Variants in DNAH12 observed in about 807,000 individuals in gnomAD.
DNAH12 encodes the protein dynein axonemal heavy chain 12.
Under a neutral mutation model 371.5 loss-of-function variants are expected in DNAH12, and 285 were observed. The ratio of observed to expected loss-of-function variants is 0.77; its 90% CI spans 0.70 to 0.85. The LOEUF (loss-of-function observed/expected upper bound fraction) is 0.85. Among genes scored for constraint, DNAH12 ranks in the 40% least tolerant of loss-of-function variants. DNAH12 has a pLI of 0.00. For missense variants in DNAH12, 3,611 were observed against 3,689.4 expected, an observed-to-expected ratio of 0.98 and a Z score of 0.55; for synonymous variants, 1,200 against 1,213.0, an observed-to-expected ratio of 0.99 and a Z score of 0.22.
At position 57,543,315 on chromosome 3, in the gene DNAH12, G is replaced by GTTTTTTTTT. The variant is rs5849214; in HGVS notation, c.-33-421_-33-413dup. Among the ~76,000 whole-genome samples the GTTTTTTTTT allele has an allele frequency of 5.5e-4, 39 of 70,282 alleles. 1 individual carries two copies. Among genetic ancestry groups the GTTTTTTTTT allele is most frequent in the African/African-American group, 1.1e-3 (17 of 15,928 alleles). 46.1% of individuals were successfully genotyped at this position (70,282 alleles called of 152,430 possible). On this transcript the variant is annotated intron_variant, in intron 1 of 73. Transcript: ENST00000495027. ...AAGCTGATATTTAACATCATTAATGGTTTTTTTTTTTTTTTTTTTTTTTTT... is the reference window on the plus strand; with the variant it reads ...AAGCTGATATTTAACATCATTAATGGTTTTTTTTTTTTTTTTTTTTTTTTTTTTTTTTTT...
At chr3:57,434,243 G>A (rs1228623682) in intron 30 of DNAH12, among the ~76,000 whole-genome samples, 3 of 152,004 alleles carry the variant, frequency 2.0e-5, no homozygotes, top group Non-Finnish European at 2.9e-5. Flanking sequence ...TGGCCCTCTT[G>A]TGGAAAGACT....
intron 13 of DNAH12, among the ~76,000 whole-genome samples, chr3:57,478,561 G>C (rs1575658971): frequency 6.6e-6 from 1 of 152,134 alleles, no homozygotes; most frequent in African/African-American, 2.4e-5. Flanking sequence ...TCAAATTCAG[G>C]AAATACACAG....
intron 69 of DNAH12, among the ~76,000 whole-genome samples, chr3:57,304,753 C>T (rs1382079387): frequency 2.0e-5 from 3 of 151,998 alleles, no homozygotes; most frequent in Admixed American, 6.6e-5. Context: ...CAGAACCCCC[C>T]GACCCCTTTT....
intron 60 of DNAH12, among the ~76,000 whole-genome samples, chr3:57,336,379 G>T (rs547497754): frequency 6.6e-6 from 1 of 151,808 alleles, no homozygotes; most frequent in African/African-American, 2.4e-5. Context: ...AGGAGTTAAA[G>T]CAAAGTATGA....
chr3:57,359,193 G>A (rs1487337257), intron 58 of DNAH12, among the ~76,000 whole-genome samples: 1 of 152,194 alleles, frequency 6.6e-6, no homozygotes, highest in East Asian at 1.9e-4. Context: ...CTAGGCTTAA[G>A]AAATATAAAT....
intron 65 of DNAH12, among the ~76,000 whole-genome samples, chr3:57,320,458 G>T (rs1435002255): frequency 2.6e-5 from 4 of 152,152 alleles, no homozygotes; most frequent in Non-Finnish European, 5.9e-5. Flanking sequence ...AAACGCCCAA[G>T]ATATCAACAA....
At chr3:57,417,753 C>T (rs926332223) in intron 37 of DNAH12, among the ~76,000 whole-genome samples, 24 of 152,108 alleles carry the variant, frequency 1.6e-4, no homozygotes, top group African/African-American at 5.6e-4. Context: ...TCATCAGATC[C>T]ACTGACAGAT....
intron 45 of DNAH12, among the ~76,000 whole-genome samples, chr3:57,390,290 A>G (rs2063587704): frequency 1.4e-5 from 2 of 140,400 alleles, no homozygotes; most frequent in Admixed American, 7.2e-5. Context: ...GCATACACCT[A>G]TAGTCCCAGC....
rs1377078780 is a variant in DNAH12, at chr3:57,401,114, C to T, written c.6948+2195G>A. On this transcript the variant is annotated intron_variant, in intron 43 of 73. Transcript: ENST00000495027. ...TTAAACTGTTAATTTAATTGTTAAA[C>T]AACCAGTAAGTCAAAGAAGAAATCA... Among the ~76,000 whole-genome samples the T allele has an allele frequency of 5.9e-5, 9 of 152,018 alleles. No homozygotes were observed. In the East Asian group the frequency reaches 1.7e-3, roughly 29 times the overall value.
intron 43 of DNAH12, chr3:57,402,398 A>G (rs782546893): frequency 5.3e-5 from 69 of 1,304,832 alleles, no homozygotes; most frequent in Non-Finnish European, 6.7e-5. Flanking sequence ...GCACTCCACT[A>G]TCCTGTTGGT....
At chr3:57,490,473 G>A (rs2067078524) in intron 11 of DNAH12, among the ~76,000 whole-genome samples, 1 of 152,166 alleles carries the variant, frequency 6.6e-6, no homozygotes, top group South Asian at 2.1e-4. Flanking sequence ...AAGAAAATCT[G>A]ACAGGATATG....
chr3:57,384,268 C>G lies in DNAH12; in HGVS notation c.7860+561G>C, dbSNP rs2063456043. On this transcript the variant is annotated intron_variant, in intron 49 of 73. Transcript: ENST00000495027. ...ATGCCTGCTGGTCCATGTACAGAAC[C>G]ACTTTGGCCTCTTGGAGTCTATTCG... 2.0e-5 allele frequency among the ~76,000 whole-genome samples: 3 copies of G among 152,094 alleles called. No individual in the cohort carries two copies. In the South Asian group the frequency reaches 6.2e-4, roughly 32 times the overall value.
intron 53 of DNAH12, 38 bp downstream of exon 53, chr3:57,376,943 A>T (rs992074731): frequency 6.6e-6 from 1 of 152,200 alleles, no homozygotes; most frequent in South Asian, 2.1e-4. Context: ...TTCAAGGCTG[A>T]CATTCCTAAA....
rs1287506045 is a variant in DNAH12, at chr3:57,457,799, AC to A, written c.3257del (p.Gly1086ValfsTer13). The A allele has an allele frequency of 1.3e-6, 2 of 1,551,152 alleles. No homozygotes were observed. Among genetic ancestry groups the A allele is most frequent in the Non-Finnish European group, 1.7e-6 (2 of 1,146,934 alleles). On this transcript the variant is annotated frameshift_variant, in exon 22 of 74. Coordinates refer to ENST00000495027, the MANE Select transcript of DNAH12 (RefSeq NM_001366028.2). LOFTEE classifies it high-confidence loss of function. Reference sequence around the variant, plus strand: ...CTTGAATGAGCCACTTTTCCACAGCACCCCGCGCTGCAGACGTGGAAATGAG... The same window carrying A: ...CTTGAATGAGCCACTTTTCCACAGCACCCGCGCTGCAGACGTGGAAATGAG... Reference protein sequence around the residue: ...IALISTSAARGAVEKWLIQVE... With the variant: ...IALISTSAARXAVEKWLIQVE...
At chr3:57,517,826 C>T (rs1309456238) in intron 4 of DNAH12, among the ~76,000 whole-genome samples, 1 of 151,960 alleles carries the variant, frequency 6.6e-6, no homozygotes, top group Non-Finnish European at 1.5e-5. Flanking sequence ...GCAGGTGGAT[C>T]CCTTTCAGCT....
At chr3:57,412,255 G>T (rs952313439) in intron 39 of DNAH12, among the ~76,000 whole-genome samples, 6 of 152,050 alleles carry the variant, frequency 3.9e-5, no homozygotes, top group Non-Finnish European at 7.4e-5. Flanking sequence ...GGACATACAC[G>T]TGTAAAAAAT....
At chr3:57,547,241 T>C (rs1485402843), upstream of DNAH12, among the ~76,000 whole-genome samples, 1 of 147,976 alleles carries the variant, frequency 6.8e-6, no homozygotes, top group Non-Finnish European at 1.5e-5. Flanking sequence ...TAGATATAGA[T>C]GATATGTATT....
At chr3:57,317,957 A>G (rs934080715) in intron 65 of DNAH12, among the ~76,000 whole-genome samples, 4 of 151,968 alleles carry the variant, frequency 2.6e-5, no homozygotes, top group African/African-American at 9.7e-5. Flanking sequence ...GGCCATTTGT[A>G]TGTCTTCTTT....
intron 39 of DNAH12, among the ~76,000 whole-genome samples, chr3:57,411,276 C>A (rs1229201279): frequency 3.3e-5 from 5 of 151,894 alleles, no homozygotes; most frequent in African/African-American, 1.2e-4. Flanking sequence ...GCCTGTAATC[C>A]CAGCATTTTG....
Sources: gnomAD v4.1 joint callset for allele counts (sites outside exome capture counted in the v4.1 genomes callset) on GRCh38, gnomAD v4.1.1 for gene constraint, MANE v1.5 for transcripts, NCBI Gene and HGNC (gene_info 2026-07-23, HGNC 2026-07-21) for gene names.